FAM53A: variants seen among roughly 807,000 people sequenced by gnomAD.
FAM53A encodes the protein family with sequence similarity 53 member A, also known as protein FAM53A.
Under a neutral mutation model 26.6 loss-of-function variants are expected in FAM53A, and 28 were observed. The ratio of observed to expected loss-of-function variants is 1.05; its 90% CI spans 0.78 to 1.45. FAM53A has a LOEUF of 1.45. FAM53A is among the 40% of genes most tolerant of loss of function. FAM53A has a pLI of 0.00. For missense variants in FAM53A, 650 were observed against 575.8 expected, an observed-to-expected ratio of 1.13 and a Z score of -1.32; for synonymous variants, 290 against 253.1, an observed-to-expected ratio of 1.15 and a Z score of -1.38.
At chr4:1,657,386 C>T in intron 3 of FAM53A, 22 bp downstream of exon 3, 1 of 1,610,794 alleles carries the variant, frequency 6.2e-7, no homozygotes, top group Non-Finnish European at 8.5e-7. Flanking sequence ...AGGCCTCCGG[C>T]CACAGCTCCT....
the FAM53A span, among the ~76,000 whole-genome samples, chr4:1,577,352 G>A: frequency 6.6e-6 from 1 of 152,210 alleles, no homozygotes; most frequent in African/African-American, 2.4e-5. Context: ...CTGTGCTCAG[G>A]GCTCAGGGAT....
chr4:1,642,618 G>A (rs1711821819), intron 4 of FAM53A, among the ~76,000 whole-genome samples: 1 of 152,160 alleles, frequency 6.6e-6, no homozygotes, highest in Non-Finnish European at 1.5e-5. Context: ...GCTGGGGCAC[G>A]AGTCCATGGC....
downstream of FAM53A, among the ~76,000 whole-genome samples, chr4:1,616,980 T>C (rs1714833561): frequency 2.6e-5 from 4 of 151,680 alleles, 1 homozygote; most frequent in South Asian, 8.3e-4. Context: ...CCACAAAAAA[T>C]ACAAAAATTA....
At chr4:1,576,398 C>A in the FAM53A span, among the ~76,000 whole-genome samples, 1 of 152,324 alleles carries the variant, frequency 6.6e-6, no homozygotes, top group African/African-American at 2.4e-5. Flanking sequence ...TTTGAGGGGA[C>A]AGCCCAGAGC....
chr4:1,589,906 C>T, the FAM53A span, among the ~76,000 whole-genome samples: 2 of 152,112 alleles, frequency 1.3e-5, no homozygotes, highest in Non-Finnish European at 2.9e-5. Context: ...CTGATTTCTG[C>T]TTTTTCTTTA....
At position 1,641,458 on chromosome 4, in the gene FAM53A, C is replaced by A; in HGVS notation, c.1032G>T (p.Arg344Ser). ...ACAGGTTGGGGTGGACAGGGCTGGT[C>A]CTGAGGCCCCTCTGGCTGCAGCCAG... is the stretch of plus-strand genomic sequence containing the variant. ...TMPGCSQRGL[R>S]TSPVHPNLWA... The change falls in exon 5 of 5, where the codon AGG (arginine) becomes AGT (serine). Residue 344 changes from arginine (R) to serine (S), a missense_variant. Coordinates refer to ENST00000308132, the MANE Select transcript of FAM53A (RefSeq NM_001174070.3). The A allele has an allele frequency of 1.2e-6, 2 of 1,614,150 alleles. No homozygotes were observed. The highest frequency in any genetic ancestry group is 1.1e-5 in the South Asian group (1 of 91,086).
intron 1 of FAM53A, among the ~76,000 whole-genome samples, chr4:1,672,155 C>T (rs1384347542): frequency 8.9e-6 from 1 of 111,776 alleles, no homozygotes; most frequent in Non-Finnish European, 2.0e-5. Flanking sequence ...CCCAGGTACC[C>T]ACAGACCCAG....
intron 1 of FAM53A, among the ~76,000 whole-genome samples, chr4:1,670,771 T>C (rs1042379796): frequency 6.6e-6 from 1 of 152,078 alleles, no homozygotes; most frequent in East Asian, 1.9e-4. Flanking sequence ...TGTCTCAAAC[T>C]AAGGAGCACA....
intron 4 of FAM53A, among the ~76,000 whole-genome samples, chr4:1,643,348 C>T (rs1364272376): frequency 6.6e-6 from 1 of 151,836 alleles, no homozygotes; most frequent in African/African-American, 2.4e-5. Flanking sequence ...CGCCTGTAGT[C>T]CCAGCTACTC....
At chr4:1,656,294 G>A (rs1713374448) in intron 3 of FAM53A, among the ~76,000 whole-genome samples, 1 of 152,156 alleles carries the variant, frequency 6.6e-6, no homozygotes, top group East Asian at 1.9e-4. Context: ...AACTGTCCTG[G>A]GGTTGCCTGT....
chr4:1,645,686 C>T (rs1712178895), intron 4 of FAM53A, among the ~76,000 whole-genome samples: 1 of 152,206 alleles, frequency 6.6e-6, no homozygotes, highest in Admixed American at 6.5e-5. Context: ...CCCAGCAGTG[C>T]GCCCCCTGCC....
rs1715569481 is a variant in FAM53A, at chr4:1,630,544, C to T, written c.432-12433G>A. Reference sequence around the variant, plus strand: ...GAGCAGGGTCTACAAAAATACACGCCCCGGGCCCCGTTCAGCCAGTCCGTC... The same window carrying T: ...GAGCAGGGTCTACAAAAATACACGCTCCGGGCCCCGTTCAGCCAGTCCGTC... On this transcript the variant is annotated intron_variant, in intron 1 of 1. Coordinates refer to the FAM53A transcript ENST00000489029. The surrounding 1 kb of genome is among the most constrained non-coding windows in gnomAD (Gnocchi z 4.3). Among the ~76,000 whole-genome samples the T allele has an allele frequency of 6.6e-6, 1 of 152,170 alleles. No individual in the cohort carries two copies. Among genetic ancestry groups the T allele is most frequent in the Admixed American group, 6.5e-5 (1 of 15,286 alleles).
At chr4:1,588,003 T>G in the FAM53A span, among the ~76,000 whole-genome samples, 3 of 152,214 alleles carry the variant, frequency 2.0e-5, no homozygotes, top group African/African-American at 4.8e-5. Flanking sequence ...TAAAATTAGT[T>G]TATTACACTT....
Position 1,659,880 on chromosome 4 carries a change from G to A in FAM53A, c.76-2412C>T, listed in dbSNP as rs991227167. Among the ~76,000 whole-genome samples, 7 of 152,166 alleles carry A rather than the reference G, an allele frequency of 4.6e-5. No homozygotes were observed. Among genetic ancestry groups the A allele is most frequent in the South Asian group, 4.1e-4 (2 of 4,824 alleles). ...TAATTCCATTCATGAGGGCACTGCC[G>A]CCATGACCTAAGCACCTCCCAGAGG... On this transcript the variant is annotated intron_variant, in intron 2 of 4. Coordinates refer to ENST00000308132, the MANE Select transcript of FAM53A (RefSeq NM_001174070.3). The surrounding 1 kb of genome is among the most constrained non-coding windows in gnomAD (Gnocchi z 5.2).
At chr4:1,685,659 G>A (rs568018848), upstream of FAM53A, among the ~76,000 whole-genome samples, 11 of 152,248 alleles carry the variant, frequency 7.2e-5, no homozygotes, top group Non-Finnish European at 1.5e-4. Flanking sequence ...CACCTGTCTG[G>A]AAGAGTGGGA....
the FAM53A span, among the ~76,000 whole-genome samples, chr4:1,576,924 G>A: frequency 6.6e-6 from 1 of 152,204 alleles, no homozygotes; most frequent in Non-Finnish European, 1.5e-5. Context: ...CGAGGGGTGA[G>A]TCAGAGCTTA....
At chr4:1,642,214 C>G (rs1162400021) in intron 4 of FAM53A, among the ~76,000 whole-genome samples, 7 of 152,170 alleles carry the variant, frequency 4.6e-5, no homozygotes, top group Non-Finnish European at 1.0e-4. Context: ...AATAGTTACT[C>G]TAATAGAAAC....
At chr4:1,622,651 G>A (rs988651148) in intron 1 of FAM53A, among the ~76,000 whole-genome samples, 2 of 152,242 alleles carry the variant, frequency 1.3e-5, no homozygotes, top group Non-Finnish European at 2.9e-5. Flanking sequence ...GGCTGTGAGG[G>A]GACGGTGGAG....
At chr4:1,662,864 A>G (rs1280573231) in intron 2 of FAM53A, among the ~76,000 whole-genome samples, 1 of 152,294 alleles carries the variant, frequency 6.6e-6, no homozygotes, top group East Asian at 1.9e-4. Context: ...GGTGGCTTTT[A>G]TCAAAAAAAT....
Sources: gnomAD v4.1 joint callset for allele counts (sites outside exome capture counted in the v4.1 genomes callset) on GRCh38, gnomAD v4.1.1 for gene constraint, Gnocchi (gnomAD v3.1) non-coding constraint, MANE v1.5 for transcripts, NCBI Gene and HGNC (gene_info 2026-07-23, HGNC 2026-07-21) for gene names.